Variants in ROBO4 observed in about 807,000 individuals in gnomAD.
ROBO4 encodes roundabout homolog 4.
Under a neutral mutation model 103.3 loss-of-function variants are expected in ROBO4, and 80 were observed. That is an observed-to-expected ratio of 0.77 (90% CI 0.65 to 0.93). The LOEUF is 0.93. Ranked by LOEUF, ROBO4 falls within the 40% of genes least tolerant of loss-of-function variation. ROBO4 has a pLI of 0.00. For synonymous variants in ROBO4, 504 were observed against 529.7 expected, an observed-to-expected ratio of 0.95 and a Z score of 0.67; for missense variants, 1,333 against 1,305.3, an observed-to-expected ratio of 1.02 and a Z score of -0.33.
rs765191966 is a variant in ROBO4, at chr11:124,887,422, G to C, written c.2134C>G (p.Arg712Gly). 1 of 1,613,918 alleles carries C rather than the reference G, an allele frequency of 6.2e-7. No individual in the cohort carries two copies. The highest frequency in any genetic ancestry group is 1.1e-5 in the South Asian group (1 of 91,082). The change falls in exon 14 of 18, where the codon CGT becomes GGT. Residue 712 changes from arginine to glycine, a missense_variant. Physicochemically the swap from Arg to Gly is moderately radical, Grantham distance 125. Transcript: ENST00000306534. Reference protein sequence around the residue: ...LLSSSNELVTRHLPPAPLFPH... With the variant: ...LLSSSNELVTGHLPPAPLFPH... ...AAGAGGGGTGCTGGAGGGAGATGACGAGTAACCAGCTCATTTGAGGAGCTG... is the reference window on the plus strand; with the variant it reads ...AAGAGGGGTGCTGGAGGGAGATGACCAGTAACCAGCTCATTTGAGGAGCTG...
At chr11:124,896,697 G>A in intron 2 of ROBO4, 27 bp from the exon 3 acceptor site, 1 of 1,609,630 alleles carries the variant, frequency 6.2e-7, no homozygotes, top group Admixed American at 1.7e-5. Context: ...AGGTGACACG[G>A]AGCAGGGCCC....
At position 124,886,782 on chromosome 11, in the gene ROBO4, TG is replaced by T; in HGVS notation, c.2475del (p.Thr826ProfsTer48). ...GGGACGCTGATGTACCCATAGGTGG[TG>T]GGGGGTGAAGGAGCCCTTGGCATGG... ...VSPMPRAPSP[P>X]TTYGYISVPT... is the part of the protein sequence containing the mutation. On this transcript the variant is annotated frameshift_variant, in exon 16 of 18. Transcript: ENST00000306534. LOFTEE classifies it high-confidence loss of function. The T allele has an allele frequency of 1.3e-6, 2 of 1,544,630 alleles. No homozygotes were observed. The highest frequency in any genetic ancestry group is 1.7e-6 in the Non-Finnish European group (2 of 1,143,292).
In ROBO4 at chr11:124,885,151, A is replaced by C. The variant is rs1409901654; in HGVS notation, c.2891T>G (p.Met964Arg). Residue 964 changes from methionine to arginine, a missense_variant, in exon 17 of 18, where the codon ATG becomes AGG. Transcript: ENST00000306534. ...WEWRPDWLED[M>R]EVSHTQRLGR... is the part of the protein sequence containing the mutation. ...CAGCCGCTGGGTGTGGCTGACCTCCATGTCTTCCAACCAGTCTGGCCTCCA... is the reference window on the plus strand; with the variant it reads ...CAGCCGCTGGGTGTGGCTGACCTCCCTGTCTTCCAACCAGTCTGGCCTCCA... 6.2e-7 allele frequency: 1 copy of C among 1,614,012 alleles called. No individual in the cohort carries two copies. Among genetic ancestry groups the C allele is most frequent in the African/African-American group, 1.3e-5 (1 of 75,022 alleles).
rs779649874 is a variant in ROBO4, at chr11:124,886,840, G to A, written c.2436-18C>T. 1.3e-6 allele frequency: 2 copies of A among 1,527,784 alleles called. No homozygotes were observed. Among genetic ancestry groups the A allele is most frequent in the Non-Finnish European group, 1.8e-6 (2 of 1,135,758 alleles). 94.6% of individuals were successfully genotyped at this position (1,527,784 alleles called of 1,614,324 possible). On this transcript the variant is annotated intron_variant, in intron 15 of 17. Coordinates refer to ENST00000306534, the MANE Select transcript of ROBO4 (RefSeq NM_019055.6). ...CGCTGTTCCTAGGGAGAGGCAAAAG[G>A]GGAGACAGCAATGGTTTGGGTGGAA...
Position 124,896,531 on chromosome 11 carries a change from G to C in ROBO4, c.540C>G (p.Leu180=). 6.2e-7 allele frequency: 1 copy of C among 1,614,116 alleles called. No individual in the cohort carries two copies. The highest frequency in any genetic ancestry group is 8.5e-7 in the Non-Finnish European group (1 of 1,179,988). ...CACTTACTGTGTGCCTTCCGGGCTGGAGGGCCAGGGGTTTCCCATCTTTCC... is the reference window on the plus strand; with the variant it reads ...CACTTACTGTGTGCCTTCCGGGCTGCAGGGCCAGGGGTTTCCCATCTTTCC... ...SWWKDGKPLA[L]QPGRHTVSGG... is the part of the protein sequence containing the mutation. The change falls in exon 3 of 18, where the codon CTC becomes CTG. Residue 180 remains leucine, a synonymous_variant. Coordinates refer to ENST00000306534, the MANE Select transcript of ROBO4 (RefSeq NM_019055.6).
intron 12 of ROBO4, among the ~76,000 whole-genome samples, chr11:124,888,480 A>G (rs1176195448): frequency 6.6e-6 from 1 of 152,254 alleles, no homozygotes; most frequent in Non-Finnish European, 1.5e-5. Flanking sequence ...TGGCTGTGAC[A>G]GGAGACAGTC....
rs1394770387 is a variant in ROBO4, at chr11:124,891,652, C to T, written c.1684+14G>A. 2 of 1,614,094 alleles carry T rather than the reference C, an allele frequency of 1.2e-6. No homozygotes were observed. The highest frequency in any genetic ancestry group is 1.7e-6 in the Non-Finnish European group (2 of 1,180,056). On this transcript the variant is annotated intron_variant, in intron 11 of 17. Transcript: ENST00000306534. Reference sequence around the variant, plus strand: ...GCCCCCAGCTAGGCCCTTGCCCCCACTGAGCATGCTCACAGGAGCGACGAC... The same window carrying T: ...GCCCCCAGCTAGGCCCTTGCCCCCATTGAGCATGCTCACAGGAGCGACGAC...
At position 124,895,155 on chromosome 11, in the gene ROBO4, C is replaced by T; in HGVS notation, c.1075G>A (p.Gly359Ser). The T allele has an allele frequency of 6.2e-7, 1 of 1,614,170 alleles. No homozygotes were observed. ...CAGCTCACAAAGACAGTGCCATTGC[C>T]AGGCTTTAGAGTCACTTCCTGAGGT... is the stretch of plus-strand genomic sequence containing the variant. The part of the protein sequence containing the change: ...APPQEVTLKP[G>S]NGTVFVSWVP... Residue 359 changes from glycine to serine, a missense_variant, in exon 7 of 18, where the codon GGC (glycine) becomes AGC (serine). Transcript: ENST00000306534.
rs764929671 is a variant in ROBO4 at position 124,894,201 on chromosome 11, C to G, written c.1318G>C (p.Glu440Gln). 6.2e-7 allele frequency: 1 copy of G among 1,609,334 alleles called. No individual in the cohort carries two copies. The highest frequency in any genetic ancestry group is 8.5e-7 in the Non-Finnish European group (1 of 1,177,448). Residue 440 changes from glutamate (E) to glutamine (Q), a missense_variant and splice_region_variant, in exon 8 of 18, where the codon GAG (glutamate) becomes CAG (glutamine). By Grantham distance (29) the Glu-to-Gln change is conservative. Transcript: ENST00000306534. ...EPSRPVCLLL[E>Q]QAMERATQEP... Reference sequence around the variant, plus strand: ...GTGGGTCTGTGGGCACTGCCCTCACCTAAAAGGAGGCAGACAGGTCTACTG... The same window carrying G: ...GTGGGTCTGTGGGCACTGCCCTCACGTAAAAGGAGGCAGACAGGTCTACTG...
At chr11:124,890,859 GC>G (rs765941969) in intron 12 of ROBO4, among the ~76,000 whole-genome samples, 23 of 152,248 alleles carry the variant, frequency 1.5e-4, no homozygotes, top group Admixed American at 6.5e-5. Flanking sequence ...GCTCGTGGGA[GC>G]CTGAGGCTTT....
At position 124,884,715 on chromosome 11, in the gene ROBO4, T is replaced by A. The variant is rs12823; in HGVS notation, c.*176A>T. ...TGAGGGCTCCAGGTCAGCTTTGCTC[T>A]AATTTTGTTTTCATTTGTTTTCACA... is the stretch of plus-strand genomic sequence containing the variant. On this transcript the variant is annotated 3_prime_UTR_variant, in exon 18 of 18. Coordinates refer to ENST00000306534, the MANE Select transcript of ROBO4 (RefSeq NM_019055.6). 222,790 of 724,856 alleles carry A rather than the reference T, an allele frequency of 0.31. 38,781 individuals carry two copies. Among genetic ancestry groups the A allele is most frequent in the Non-Finnish European group, 0.38 (159,003 of 420,462 alleles). The allele number at this position is 724,856 out of a possible 1,614,324, so 44.9% of individuals were successfully genotyped here. A position where few individuals can be genotyped will look rare whatever the true frequency, so the allele number is the denominator to read the frequency against.
chr11:124,888,122 C>A (rs1334531030), intron 12 of ROBO4, among the ~76,000 whole-genome samples: 2 of 152,224 alleles, frequency 1.3e-5, no homozygotes, highest in Non-Finnish European at 2.9e-5. Context: ...TGTAAACAAC[C>A]ACTTCGAATG....
At chr11:124,892,144 T>C (rs1946810483) in intron 10 of ROBO4, 5 of 491,102 alleles carry the variant, frequency 1.0e-5, no homozygotes, top group South Asian at 6.6e-5. Flanking sequence ...TAAGTACATC[T>C]GTTGCACTTG....
intron 3 of ROBO4, 95 bp downstream of exon 3, chr11:124,896,418 C>G: frequency 3.1e-6 from 5 of 1,589,984 alleles, no homozygotes; most frequent in Non-Finnish European, 4.3e-6. Flanking sequence ...CAAATTCTAC[C>G]GGAGGATGCG....
rs192774780 is a variant in ROBO4 at position 124,896,728 on chromosome 11, A to T, written c.401-58T>A. On this transcript the variant is annotated intron_variant, in intron 2 of 17. Coordinates refer to ENST00000306534, the MANE Select transcript of ROBO4 (RefSeq NM_019055.6). Reference sequence around the variant, plus strand: ...GGCCCAGGCCTCTTCTCTCTCCCTTATCACTCTTGCCCCCTTCTGCTTTGC... The same window carrying T: ...GGCCCAGGCCTCTTCTCTCTCCCTTTTCACTCTTGCCCCCTTCTGCTTTGC... 4,269 of 1,574,224 alleles carry T rather than the reference A, an allele frequency of 2.7e-3. 108 individuals are homozygous for T. In the African/African-American group the frequency reaches 0.051, roughly 19 times the overall value.
chr11:124,885,699 T>G lies in ROBO4; in HGVS notation c.2795-452A>C, dbSNP rs1387480944. Among the ~76,000 whole-genome samples, 22 of 152,190 alleles carry G rather than the reference T, an allele frequency of 1.4e-4. No individual in the cohort carries two copies. In the East Asian group the frequency reaches 4.1e-3, roughly 28 times the overall value. On this transcript the variant is annotated intron_variant, in intron 16 of 17. Coordinates refer to ENST00000306534, the MANE Select transcript of ROBO4 (RefSeq NM_019055.6). The stretch of plus-strand genomic sequence containing the variant: ...GGAGCCAAGACCCTGTACTACCTTC[T>G]GCTGACATGGAGATAAAGGTCCCAC...
intron 12 of ROBO4, 74 bp downstream of exon 12, chr11:124,891,225 T>G: frequency 6.7e-7 from 1 of 1,488,632 alleles, no homozygotes; most frequent in East Asian, 2.3e-5. Flanking sequence ...CTTTGAGGCC[T>G]TGTTCCCATC....
chr11:124,895,747 C>T, intron 5 of ROBO4, 38 bp downstream of exon 5: 1 of 1,613,634 alleles, frequency 6.2e-7, no homozygotes, highest in Non-Finnish European at 8.5e-7. Context: ...CTTTCTTGAG[C>T]TCTGGATCGG....
chr11:124,887,275 C>A lies in ROBO4; in HGVS notation c.2199-62G>T, dbSNP rs910667310. The A allele has an allele frequency of 5.0e-6, 8 of 1,599,270 alleles. No individual in the cohort carries two copies. In the Admixed American group the frequency reaches 1.2e-4, roughly 24 times the overall value. ...TACAGCTCTTCAAGTCCTTTCCCCC[C>A]TTCCCCAGCCTGTCCAATCCCGGCA... On this transcript the variant is annotated intron_variant, in intron 14 of 17. Transcript: ENST00000306534.
Sources: gnomAD v4.1 joint callset for allele counts (sites outside exome capture counted in the v4.1 genomes callset) on GRCh38, gnomAD v4.1.1 for gene constraint, MANE v1.5 for transcripts, NCBI Gene and HGNC (gene_info 2026-07-23, HGNC 2026-07-21) for gene names.